The following GALNT14 variants were observed in gnomAD, a reference collection of about 807,000 sequenced individuals.
The protein encoded by GALNT14 is polypeptide N-acetylgalactosaminyltransferase 14.
A neutral mutation model predicts 77.5 loss-of-function variants in GALNT14; 60 were observed. The ratio of observed to expected loss-of-function variants is 0.77; its 90% confidence interval spans 0.63 to 0.96. GALNT14 has a LOEUF of 0.96. Ranked by LOEUF, GALNT14 falls within the 40% of genes least tolerant of loss-of-function variation. The pLI is 0.00. For synonymous variants in GALNT14, 280 were observed against 281.7 expected (o/e 0.99, Z 0.06); for missense variants, 710 against 731.0 (o/e 0.97, Z 0.33).
At chr2:30,904,621 G>C in the GALNT14 span, among the ~76,000 whole-genome samples, 1 of 152,348 alleles carries the variant, frequency 6.6e-6, no homozygotes, top group South Asian at 2.1e-4. Flanking sequence ...CAAGGCAGCA[G>C]CGAGGCTGGG....
At chr2:31,122,456 G>A (rs915077790) in intron 1 of GALNT14, among the ~76,000 whole-genome samples, 1 of 152,214 alleles carries the variant, frequency 6.6e-6, no homozygotes, top group Non-Finnish European at 1.5e-5. Flanking sequence ...CTGGTCTTGT[G>A]GAGTATGATT....
intron 1 of GALNT14, among the ~76,000 whole-genome samples, chr2:31,018,173 C>T (rs1185254984): frequency 2.6e-5 from 4 of 152,242 alleles, no homozygotes; most frequent in Non-Finnish European, 4.4e-5. Flanking sequence ...TTAACACAAA[C>T]AGGGCAGCAG....
chr2:30,998,000 C>T (rs1558479090), intron 1 of GALNT14, among the ~76,000 whole-genome samples: 1 of 152,108 alleles, frequency 6.6e-6, no homozygotes, highest in Non-Finnish European at 1.5e-5. Flanking sequence ...TTTTTTTAGG[C>T]TTCACATATA....
chr2:31,104,501 C>T (rs111607286), intron 1 of GALNT14, among the ~76,000 whole-genome samples: 3,914 of 152,224 alleles, frequency 0.026, 159 homozygotes, highest in African/African-American at 0.09. Flanking sequence ...CAGACCCAGT[C>T]CACAGATCCT....
At chr2:30,976,227 T>C (rs1668615095) in intron 2 of GALNT14, among the ~76,000 whole-genome samples, 2 of 152,218 alleles carry the variant, frequency 1.3e-5, no homozygotes, top group Admixed American at 1.3e-4. Context: ...TTTCAATCTC[T>C]GGCCCCAATC....
the GALNT14 span, among the ~76,000 whole-genome samples, chr2:30,889,380 G>C: frequency 2.0e-5 from 3 of 152,202 alleles, no homozygotes; most frequent in Non-Finnish European, 2.9e-5. Flanking sequence ...TGGGGACCCA[G>C]GTTAGACTGT....
At position 30,978,474 on chromosome 2, in the gene GALNT14, C is replaced by T. The variant is rs117356970; in HGVS notation, c.300-12172G>A. The stretch of plus-strand genomic sequence containing the variant: ...TCATAGCAAAGTTGTGAGGCTGAAC[C>T]GAGAGAACATATATATGGTGCCTCC... On this transcript the variant is annotated intron_variant, in intron 2 of 14. Transcript: ENST00000349752. 2.7e-4 allele frequency among the ~76,000 whole-genome samples: 41 copies of T among 152,254 alleles called. No homozygotes were observed. In the East Asian group the frequency reaches 6.8e-3, roughly 25 times the overall value.
intron 5 of GALNT14, 79 bp downstream of exon 5, chr2:30,955,833 C>T (rs1026282764): frequency 1.9e-6 from 3 of 1,609,736 alleles, no homozygotes; most frequent in Non-Finnish European, 8.5e-7. Flanking sequence ...CCACTGATCA[C>T]CCCAACACAC....
chr2:31,121,151 T>A (rs1678393213), intron 1 of GALNT14, among the ~76,000 whole-genome samples: 1 of 152,208 alleles, frequency 6.6e-6, no homozygotes, highest in Non-Finnish European at 1.5e-5. Context: ...GAGCCCAGCA[T>A]GCCTGTCCAA....
At chr2:30,948,331 C>G (rs1270858207) in intron 6 of GALNT14, among the ~76,000 whole-genome samples, 1 of 152,210 alleles carries the variant, frequency 6.6e-6, no homozygotes, top group East Asian at 1.9e-4. Context: ...GAGGTAACCT[C>G]TAACCCCTTG....
At chr2:30,966,584 C>G (rs771703425) in intron 2 of GALNT14, among the ~76,000 whole-genome samples, 2 of 152,202 alleles carry the variant, frequency 1.3e-5, no homozygotes, top group Middle Eastern at 3.2e-3. Flanking sequence ...TGTGGTATTT[C>G]TTGCATGCCT....
chr2:30,936,796 C>T (rs1248644493), intron 9 of GALNT14, among the ~76,000 whole-genome samples: 1 of 152,228 alleles, frequency 6.6e-6, no homozygotes, highest in African/African-American at 2.4e-5. Flanking sequence ...TCTCCATCCA[C>T]ACCTCTTACT....
Position 31,138,277 on chromosome 2 carries a change from G to T in GALNT14, c.-191C>A. 1 of 646,000 alleles carries T rather than the reference G, an allele frequency of 1.5e-6. No homozygotes were observed. Among genetic ancestry groups the T allele is most frequent in the Non-Finnish European group, 2.6e-6 (1 of 388,672 alleles). 40.0% of individuals were successfully genotyped at this position (646,000 alleles called of 1,614,324 possible). On this transcript the variant is annotated 5_prime_UTR_variant, in exon 1 of 15. Coordinates refer to ENST00000349752, the MANE Select transcript of GALNT14 (RefSeq NM_024572.4). ...CGAAGAGAAGCGAGCCTGGGTGGGG[G>T]GTGCAGGGCGACCCGAAACGTGGCA...
chr2:30,959,060 G>A (rs909897031), intron 3 of GALNT14, among the ~76,000 whole-genome samples: 3 of 152,094 alleles, frequency 2.0e-5, no homozygotes, highest in South Asian at 2.1e-4. Context: ...GCCCAGTGCC[G>A]CTGTCTGAAG....
At chr2:30,934,875 C>T (rs1014148770) in intron 9 of GALNT14, among the ~76,000 whole-genome samples, 14 of 152,238 alleles carry the variant, frequency 9.2e-5, no homozygotes, top group African/African-American at 3.4e-4. Context: ...CACCAACTTT[C>T]CATGATTGGC....
intron 1 of GALNT14, among the ~76,000 whole-genome samples, chr2:31,029,825 T>G (rs1313158301): frequency 6.6e-6 from 1 of 152,208 alleles, no homozygotes; most frequent in Admixed American, 6.5e-5. Context: ...ACTACTATAA[T>G]TTTTTTGTAT....
chr2:30,955,667 CAGTG>C lies in GALNT14; in HGVS notation c.601_604del (p.His201ValfsTer3). On this transcript the variant is annotated frameshift_variant, in exon 6 of 15. Transcript: ENST00000349752. LOFTEE classifies it high-confidence loss of function. ...CTGGAGCCAGTCCCTGTTCACCTCA[CAGTG>C]GCTGTCGAGGAAAGTCAGAGTGGTG... 6.2e-7 allele frequency: 1 copy of C among 1,614,212 alleles called. No homozygotes were observed. Among genetic ancestry groups the C allele is most frequent in the East Asian group, 2.2e-5 (1 of 44,882 alleles).
At chr2:30,997,193 T>C (rs969751573) in intron 1 of GALNT14, among the ~76,000 whole-genome samples, 9 of 152,092 alleles carry the variant, frequency 5.9e-5, no homozygotes, top group African/African-American at 1.7e-4. Context: ...TCTCCTCTAC[T>C]GAGGGTCGGT....
In GALNT14 at chr2:30,973,570, G is replaced by A. The variant is rs148070558; in HGVS notation, c.300-7268C>T. 1.2e-3 allele frequency among the ~76,000 whole-genome samples: 189 copies of A among 152,270 alleles called. 3 individuals are homozygous for A. In the East Asian group the frequency reaches 0.032, roughly 26 times the overall value. On this transcript the variant is annotated intron_variant, in intron 2 of 14. Transcript: ENST00000349752. ...GCTATGAGGAAAAATATAAAATGCC[G>A]AATCTGTGGCTGGCCCCTTGGTTCA...
Sources: allele counts gnomAD v4.1 joint callset (sites outside exome capture counted in the v4.1 genomes callset), GRCh38; gene constraint gnomAD v4.1.1; transcripts MANE v1.5; gene names NCBI Gene and HGNC (gene_info 2026-07-23, HGNC 2026-07-21).